HCRTR2: variants seen among roughly 807,000 people sequenced by gnomAD.
The protein encoded by HCRTR2 is hypocretin receptor 2.
HCRTR2 carries 22 observed loss-of-function variants against 49.0 expected under a neutral mutation model. The observed-to-expected ratio is 0.45, with a 90% CI of 0.32 to 0.64. The LOEUF (loss-of-function observed/expected upper bound fraction) is 0.64, where lower values mean the gene tolerates loss of function less well. Among genes scored for constraint, HCRTR2 ranks in the 30% least tolerant of loss-of-function variants. The pLI is 0.04. For missense variants in HCRTR2, 491 were observed against 559.4 expected, an observed-to-expected ratio of 0.88 and a Z score of 1.23; for synonymous variants, 236 against 205.3, an observed-to-expected ratio of 1.15 and a Z score of -1.28.
chr6:55,121,910 T>A lies in HCRTR2; in HGVS notation c.-378+15365T>A, dbSNP rs149967720. On this transcript the variant is annotated intron_variant, in intron 1 of 7. Transcript: ENST00000615358. ...GCATCGATGTTCGTCAGGGATATTGTTCTAAAATTCTCTTTTTTGTTGTTG... is the reference window on the plus strand; with the variant it reads ...GCATCGATGTTCGTCAGGGATATTGATCTAAAATTCTCTTTTTTGTTGTTG... Among the ~76,000 whole-genome samples, 511 of 151,072 alleles carry A rather than the reference T, an allele frequency of 3.4e-3. 7 individuals are homozygous for A. The highest frequency in any genetic ancestry group is 0.012 in the African/African-American group (485 of 40,744).
At chr6:55,208,068 G>GA (rs1490897499) in intron 1 of HCRTR2, among the ~76,000 whole-genome samples, 1 of 152,056 alleles carries the variant, frequency 6.6e-6, no homozygotes, top group Admixed American at 6.5e-5. Flanking sequence ...GAAGAGCTTT[G>GA]AAAAATCACG....
chr6:55,142,241 G>A (rs934883035), intron 1 of HCRTR2, among the ~76,000 whole-genome samples: 1 of 151,780 alleles, frequency 6.6e-6, no homozygotes, highest in Non-Finnish European at 1.5e-5. Flanking sequence ...CTGTCGCCCA[G>A]GCTAGAGTGC....
At chr6:55,278,970 A>G (rs1767134766) in intron 5 of HCRTR2, among the ~76,000 whole-genome samples, 1 of 151,892 alleles carries the variant, frequency 6.6e-6, no homozygotes, top group Non-Finnish European at 1.5e-5. Flanking sequence ...GTATCTCAGA[A>G]CTTGCTCTTT....
intron 1 of HCRTR2, among the ~76,000 whole-genome samples, chr6:55,135,367 A>G (rs1764419394): frequency 2.6e-5 from 4 of 152,082 alleles, no homozygotes; most frequent in Admixed American, 2.6e-4. Flanking sequence ...AGAAACACAA[A>G]TCTAAGGCCG....
At chr6:55,278,752 A>C (rs1767130491) in intron 5 of HCRTR2, among the ~76,000 whole-genome samples, 2 of 146,620 alleles carry the variant, frequency 1.4e-5, no homozygotes, top group African/African-American at 5.0e-5. Context: ...TATTATTATT[A>C]TTATTTTTGC....
intron 1 of HCRTR2, among the ~76,000 whole-genome samples, chr6:55,108,731 T>C (rs1053536696): frequency 6.6e-6 from 1 of 151,920 alleles, no homozygotes; most frequent in African/African-American, 2.4e-5. Flanking sequence ...GCCAGTGGAA[T>C]TGGGGAAAGG....
intron 1 of HCRTR2, among the ~76,000 whole-genome samples, chr6:55,220,528 A>C (rs1220933527): frequency 1.3e-5 from 2 of 152,194 alleles, no homozygotes; most frequent in Non-Finnish European, 1.5e-5. Flanking sequence ...AAAATACTCA[A>C]CAAACTATGA....
At chr6:55,205,751 T>A (rs975749542) in intron 1 of HCRTR2, among the ~76,000 whole-genome samples, 2 of 152,128 alleles carry the variant, frequency 1.3e-5, no homozygotes, top group Non-Finnish European at 2.9e-5. Flanking sequence ...GATTGGTTAG[T>A]GTGTTTATTT....
At chr6:55,118,621 T>C (rs1433532599) in intron 1 of HCRTR2, among the ~76,000 whole-genome samples, 2 of 151,960 alleles carry the variant, frequency 1.3e-5, no homozygotes, top group East Asian at 1.9e-4. Context: ...TATCTCATTG[T>C]GGTTTTGATT....
At chr6:55,127,726 C>T (rs948261510) in intron 1 of HCRTR2, among the ~76,000 whole-genome samples, 3 of 152,134 alleles carry the variant, frequency 2.0e-5, no homozygotes, top group Admixed American at 6.5e-5. Flanking sequence ...CAGCCTCTTG[C>T]ATTATAGATC....
chr6:55,265,360 GCAA>G (rs1455553147), intron 4 of HCRTR2, among the ~76,000 whole-genome samples: 1 of 152,024 alleles, frequency 6.6e-6, no homozygotes, highest in African/African-American at 2.4e-5. Flanking sequence ...AATGTGGTTT[GCAA>G]CAACAGTTCT....
intron 1 of HCRTR2, among the ~76,000 whole-genome samples, chr6:55,122,133 A>G (rs1764209281): frequency 6.6e-6 from 1 of 152,104 alleles, no homozygotes; most frequent in Admixed American, 6.6e-5. Flanking sequence ...TATTGCCTCA[A>G]TTTCAGAGCC....
At position 55,240,357 on chromosome 6, in the gene HCRTR2, CAAAAAAAAAAAA is replaced by C. The variant is rs1167981530; in HGVS notation, c.224-8266_224-8255del. Among the ~76,000 whole-genome samples the C allele has an allele frequency of 8.2e-3, 379 of 46,022 alleles. 4 individuals carry two copies. Among genetic ancestry groups the C allele is most frequent in the Non-Finnish European group, 9.6e-3 (254 of 26,504 alleles). 30.2% of individuals were successfully genotyped at this position (46,022 alleles called of 152,430 possible). A position where few individuals can be genotyped will look rare whatever the true frequency, so the allele number is the denominator to read the frequency against. On this transcript the variant is annotated intron_variant, in intron 1 of 6. Transcript: ENST00000370862. ...TGGACGAAAGAGCGAGACTCCAGCT[CAAAAAAAAAAAA>C]AAAAAAAAAAAAAAAGAGTTTTATT...
intron 1 of HCRTR2, among the ~76,000 whole-genome samples, chr6:55,234,667 G>T (rs1272332723): frequency 6.6e-6 from 1 of 152,024 alleles, no homozygotes; most frequent in Non-Finnish European, 1.5e-5. Context: ...AACTCAAAAA[G>T]TGGGGAAAAA....
intron 1 of HCRTR2, among the ~76,000 whole-genome samples, chr6:55,107,823 A>G (rs1380368316): frequency 6.6e-6 from 1 of 152,098 alleles, no homozygotes; most frequent in Admixed American, 6.6e-5. Context: ...GAGTGCTTAT[A>G]TCATTTTCTG....
chr6:55,280,559 T>C (rs1767170799), intron 6 of HCRTR2, 115 bp downstream of exon 6: 1 of 1,392,428 alleles, frequency 7.2e-7, no homozygotes, highest in Non-Finnish European at 9.9e-7. Flanking sequence ...ATTTTTTCCC[T>C]GACCTGATTT....
chr6:55,275,586 G>C (rs1236789609), intron 4 of HCRTR2, among the ~76,000 whole-genome samples: 1 of 149,964 alleles, frequency 6.7e-6, no homozygotes, highest in East Asian at 2.0e-4. Context: ...AGGGACCATA[G>C]CTTTCTCTTT....
In HCRTR2 at chr6:55,241,861, A is replaced by ATTTTTTTTTTTTTTTTTTTTTTTTTTTT. The variant is rs917427627; in HGVS notation, c.224-6755_224-6754insTTTTTTTTTTTTTTTTTTTTTTTTTTTT. 3.9e-4 allele frequency among the ~76,000 whole-genome samples: 36 copies of ATTTTTTTTTTTTTTTTTTTTTTTTTTTT among 92,516 alleles called. 8 individuals are homozygous for ATTTTTTTTTTTTTTTTTTTTTTTTTTTT. The highest frequency in any genetic ancestry group is 6.5e-4 in the African/African-American group (15 of 22,970). The allele number at this position is 92,516 out of a possible 152,430, so 60.7% of individuals were successfully genotyped here. On this transcript the variant is annotated intron_variant, in intron 1 of 6. Transcript: ENST00000370862. ...GTAGTCTGTCTTACTATGGCAACTA[A>ATTTTTTTTTTTTTTTTTTTTTTTTTTTT]TTTTTTTTTTTTTTTTTTTTTTTGT...
intron 4 of HCRTR2, among the ~76,000 whole-genome samples, chr6:55,265,021 T>G (rs1766836499): frequency 6.6e-6 from 1 of 152,144 alleles, no homozygotes; most frequent in Non-Finnish European, 1.5e-5. Flanking sequence ...TCATTTTTTT[T>G]AACACTATAT....
Sources: gnomAD v4.1 joint callset for allele counts (sites outside exome capture counted in the v4.1 genomes callset) on GRCh38, gnomAD v4.1.1 for gene constraint, MANE v1.5 for transcripts, NCBI Gene and HGNC (gene_info 2026-07-23, HGNC 2026-07-21) for gene names.